Variants in CD109 observed in about 807,000 individuals in gnomAD.
CD109 encodes the protein CD109 antigen.
Under a neutral mutation model 165.8 loss-of-function variants are expected in CD109, and 149 were observed. The observed-to-expected ratio is 0.90, with a 90% CI of 0.79 to 1.03. The LOEUF is 1.03. Ranked by LOEUF, CD109 falls within the 50% of genes least tolerant of loss-of-function variation. The pLI is 0.00. For synonymous variants in CD109, 585 were observed against 592.1 expected, an observed-to-expected ratio of 0.99 and a Z score of 0.18; for missense variants, 1,712 against 1,677.8, an observed-to-expected ratio of 1.02 and a Z score of -0.36.
chr6:73,682,430 G>T, the CD109 span, among the ~76,000 whole-genome samples: 1 of 152,226 alleles, frequency 6.6e-6, no homozygotes, highest in Admixed American at 6.5e-5. Context: ...TCATGCTGAT[G>T]AAAGAGGTGG....
chr6:73,801,081 G>A (rs1258315108), intron 23 of CD109, among the ~76,000 whole-genome samples: 1 of 152,232 alleles, frequency 6.6e-6, no homozygotes, highest in South Asian at 2.1e-4. Context: ...AGCTTTCCAT[G>A]TAAAAGGTAC....
chr6:73,751,423 C>G (rs903663859), intron 5 of CD109, among the ~76,000 whole-genome samples: 1 of 152,188 alleles, frequency 6.6e-6, no homozygotes, highest in Admixed American at 6.5e-5. Context: ...TCACACACCT[C>G]AGCTTCCCTC....
At chr6:73,802,628 G>T (rs1186597595) in intron 23 of CD109, among the ~76,000 whole-genome samples, 4 of 150,634 alleles carry the variant, frequency 2.7e-5, no homozygotes, top group African/African-American at 9.8e-5. Flanking sequence ...GCTTGCTTTT[G>T]AATGGCTAGA....
rs1371342587 is a variant in CD109, at chr6:73,766,785, C to G, written c.1359C>G (p.Ser453Arg). 1.2e-6 allele frequency: 2 copies of G among 1,612,330 alleles called. No individual in the cohort carries two copies. Among genetic ancestry groups the G allele is most frequent in the Non-Finnish European group, 1.7e-6 (2 of 1,179,024 alleles). ...CCTATTTCCTTGGTAGTAAAAGTAG[C>G]ATGGCAGTTCATAGTCTGTTTAAGT... is the stretch of plus-strand genomic sequence containing the variant. The part of the protein sequence containing the change: ...LKAYFLGSKS[S>R]MAVHSLFKSP... The change falls in exon 12 of 33, where the codon AGC (serine) becomes AGG (arginine). Residue 453 changes from serine to arginine, a missense_variant. Coordinates refer to ENST00000287097, the MANE Select transcript of CD109 (RefSeq NM_133493.5).
intron 2 of CD109, among the ~76,000 whole-genome samples, chr6:73,706,826 G>T (rs1195184254): frequency 1.3e-5 from 2 of 152,156 alleles, no homozygotes; most frequent in Non-Finnish European, 2.9e-5. Flanking sequence ...CTCCCTTTTG[G>T]CAGGGCTGTG....
chr6:73,729,440 A>G (rs1342859018), intron 3 of CD109, among the ~76,000 whole-genome samples: 1 of 151,228 alleles, frequency 6.6e-6, no homozygotes, highest in Non-Finnish European at 1.5e-5. Context: ...GTGCAGGTAA[A>G]CTGCTCAGTA....
intron 15 of CD109, among the ~76,000 whole-genome samples, chr6:73,779,936 T>A (rs1774414427): frequency 6.6e-6 from 1 of 152,190 alleles, no homozygotes. Context: ...GTCATTTGCA[T>A]TGCTTTGATT....
chr6:73,811,232 C>A, intron 28 of CD109, 85 bp downstream of exon 28: 1 of 1,424,196 alleles, frequency 7.0e-7, no homozygotes, highest in South Asian at 1.4e-5. Context: ...CTGTTGATTT[C>A]AACAAAGACT....
At chr6:73,747,776 G>T (rs879359958) in intron 5 of CD109, among the ~76,000 whole-genome samples, 1 of 152,054 alleles carries the variant, frequency 6.6e-6, no homozygotes, top group African/African-American at 2.4e-5. Context: ...GGCTGTGCAG[G>T]CTGGTAACCT....
intron 7 of CD109, among the ~76,000 whole-genome samples, chr6:73,761,984 TTGCTGTCTTGC>T (rs1290793406): frequency 6.6e-6 from 1 of 151,982 alleles, no homozygotes; most frequent in East Asian, 1.9e-4. Context: ...AGACAGAGTC[TTGCTGTCTTGC>T]TGTGTTGTCC....
chr6:73,789,516 C>T lies in CD109; in HGVS notation c.2701+904C>T, dbSNP rs535732204. ...TCGCCCAGGCTGGAGTGCAGTGGCG[C>T]GAACTTGGCTCACTGCAAGCTCTGC... On this transcript the variant is annotated intron_variant, in intron 22 of 32. Transcript: ENST00000287097. 1.4e-3 allele frequency among the ~76,000 whole-genome samples: 207 copies of T among 149,152 alleles called. 1 individual carries two copies. The highest frequency in any genetic ancestry group is 4.1e-3 in the South Asian group (19 of 4,656).
rs1445751087 is a variant in CD109 at position 73,828,089 on chromosome 6, A to G, written c.*4456A>G. ...TGTGGAGTCAATCTCTTTGGTACAC[A>G]GGAAGCTTTATAAAATTTCATTCAC... is the stretch of plus-strand genomic sequence containing the variant. On this transcript the variant is annotated 3_prime_UTR_variant, in exon 33 of 33. Transcript: ENST00000287097. 1 of 154,808 alleles carries G rather than the reference A, an allele frequency of 6.5e-6. No homozygotes were observed. Among genetic ancestry groups the G allele is most frequent in the East Asian group, 1.9e-4 (1 of 5,202 alleles). 9.6% of individuals were successfully genotyped at this position (154,808 alleles called of 1,614,324 possible).
At position 73,803,301 on chromosome 6, in the gene CD109, G is replaced by C; in HGVS notation, c.2960G>C (p.Trp987Ser). 6.2e-7 allele frequency: 1 copy of C among 1,610,468 alleles called. No individual in the cohort carries two copies. The highest frequency in any genetic ancestry group is 1.1e-5 in the South Asian group (1 of 90,186). The change falls in exon 24 of 33, where the codon TGG (tryptophan) becomes TCG (serine). Residue 987 changes from tryptophan to serine, a missense_variant and splice_region_variant. Coordinates refer to ENST00000287097, the MANE Select transcript of CD109 (RefSeq NM_133493.5). ...FGNYDPSGST[W>S]LSAFVLRCFL... ...AATTATGACCCTTCTGGGAGCACTTGGTAAGTGTTTTTGCCAACTGAACAA... is the reference window on the plus strand; with the variant it reads ...AATTATGACCCTTCTGGGAGCACTTCGTAAGTGTTTTTGCCAACTGAACAA...
intron 2 of CD109, among the ~76,000 whole-genome samples, chr6:73,701,534 A>C (rs1045453328): frequency 6.6e-6 from 1 of 152,158 alleles, no homozygotes; most frequent in African/African-American, 2.4e-5. Flanking sequence ...CCAAATCAAG[A>C]AAAAAGAAAT....
rs181788737 is a variant in CD109 at position 73,772,227 on chromosome 6, C to T, written c.1827+646C>T. Among the ~76,000 whole-genome samples the T allele has an allele frequency of 1.7e-4, 26 of 152,068 alleles. No individual in the cohort carries two copies. The South Asian group carries it at 4.4e-3, about 25-fold the overall frequency. On this transcript the variant is annotated intron_variant, in intron 15 of 32. Coordinates refer to ENST00000287097, the MANE Select transcript of CD109 (RefSeq NM_133493.5). ...TAAATAATTACAGCACCCATTGTGC[C>T]GGGCATGGTGGCTCATGCCTGTAAT... is the stretch of plus-strand genomic sequence containing the variant.
intron 3 of CD109, among the ~76,000 whole-genome samples, chr6:73,724,508 A>G (rs1772065361): frequency 6.6e-6 from 1 of 152,074 alleles, no homozygotes; most frequent in Admixed American, 6.6e-5. Context: ...AGTTTGATAT[A>G]TGTACTTTTC....
intron 13 of CD109, among the ~76,000 whole-genome samples, 198 bp from the exon 14 acceptor site, chr6:73,767,857 T>A (rs1264226299): frequency 2.0e-5 from 3 of 152,236 alleles, no homozygotes; most frequent in Non-Finnish European, 4.4e-5. Flanking sequence ...CAATCAGTAT[T>A]ACTTTAATCT....
chr6:73,819,904 A>G (rs751078262), intron 31 of CD109, among the ~76,000 whole-genome samples: 3 of 152,166 alleles, frequency 2.0e-5, no homozygotes, highest in Non-Finnish European at 2.9e-5. Flanking sequence ...ATTTACTACT[A>G]TTGGCAAATA....
Position 73,815,070 on chromosome 6 carries a change from T to C in CD109, c.3858T>C (p.Ala1286=), listed in dbSNP as rs753284231. Residue 1286 remains alanine (A), a synonymous_variant, in exon 30 of 33, where the codon GCT becomes GCC. Transcript: ENST00000287097. ...AAGAAGCCTTTGATTTAGATGTTGC[T>C]GTAAAAGAAAATAAAGATGATCTCA... ...QNQEAFDLDV[A]VKENKDDLNH... is the part of the protein sequence containing the mutation. 6.3e-7 allele frequency: 1 copy of C among 1,591,610 alleles called. No individual in the cohort carries two copies. The highest frequency in any genetic ancestry group is 1.2e-5 in the South Asian group (1 of 86,420).
Sources: gnomAD v4.1 joint callset for allele counts (sites outside exome capture counted in the v4.1 genomes callset) on GRCh38, gnomAD v4.1.1 for gene constraint, MANE v1.5 for transcripts, NCBI Gene and HGNC (gene_info 2026-07-23, HGNC 2026-07-21) for gene names.